The following PFKFB3 variants were observed in gnomAD, a reference collection of about 807,000 sequenced individuals.
PFKFB3 encodes the protein 6-phosphofructo-2-kinase/fructose-2,6-biphosphatase 3.
A neutral mutation model predicts 68.0 loss-of-function variants in PFKFB3; 33 were observed. The ratio of observed to expected loss-of-function variants is 0.49; its 90% CI spans 0.37 to 0.65. The LOEUF is 0.65. Among genes scored for constraint, PFKFB3 ranks in the 30% least tolerant of loss-of-function variants. PFKFB3 has a pLI of 0.00. For missense variants in PFKFB3, 586 were observed against 712.2 expected (o/e 0.82, Z 2.02); for synonymous variants, 315 against 288.2 (o/e 1.09, Z -0.94).
At chr10:6,277,520 C>T in the PFKFB3 span, among the ~76,000 whole-genome samples, 4 of 152,138 alleles carry the variant, frequency 2.6e-5, no homozygotes, top group South Asian at 2.1e-4. Flanking sequence ...CACACCCGGC[C>T]GTGGGGGTGG....
chr10:6,204,149 T>C (rs1266619043), intron 1 of PFKFB3, among the ~76,000 whole-genome samples: 2 of 152,346 alleles, frequency 1.3e-5, no homozygotes, highest in Non-Finnish European at 2.9e-5. Context: ...CAGCGATCGC[T>C]TGGGAGAGGG....
chr10:6,271,766 C>T, the PFKFB3 span, among the ~76,000 whole-genome samples: 17 of 152,224 alleles, frequency 1.1e-4, 1 homozygote, highest in Non-Finnish European at 2.1e-4. Context: ...CGCCTTCTCC[C>T]GTGGGTGGAG....
chr10:6,267,849 G>A, the PFKFB3 span, among the ~76,000 whole-genome samples: 1 of 151,346 alleles, frequency 6.6e-6, no homozygotes, highest in African/African-American at 2.4e-5. Context: ...CAGCTACTCG[G>A]GAGGCTGAAG....
At chr10:6,299,228 G>A in the PFKFB3 span, among the ~76,000 whole-genome samples, 1 of 152,208 alleles carries the variant, frequency 6.6e-6, no homozygotes, top group African/African-American at 2.4e-5. Context: ...CAGAAATGGT[G>A]TTTGCTTTTT....
the PFKFB3 span, among the ~76,000 whole-genome samples, chr10:6,262,464 A>AG: frequency 6.9e-6 from 1 of 145,688 alleles, no homozygotes; most frequent in East Asian, 2.0e-4. Context: ...AAAAAAAAAA[A>AG]AAAAAAAAAA....
intron 1 of PFKFB3, among the ~76,000 whole-genome samples, chr10:6,182,668 C>T (rs1476561737): frequency 6.6e-6 from 1 of 152,232 alleles, no homozygotes; most frequent in Non-Finnish European, 1.5e-5. Flanking sequence ...AGGCCCTGTT[C>T]CCCTTCTAGG....
chr10:6,179,525 A>G (rs1842643328), intron 1 of PFKFB3, among the ~76,000 whole-genome samples: 1 of 152,110 alleles, frequency 6.6e-6, no homozygotes, highest in Admixed American at 6.5e-5. Flanking sequence ...TTCCCTAGCG[A>G]GCCCCCCGGG....
downstream of PFKFB3, among the ~76,000 whole-genome samples, chr10:6,257,910 C>T (rs547432939): frequency 3.6e-4 from 55 of 152,144 alleles, no homozygotes; most frequent in Non-Finnish European, 7.2e-4. Context: ...GTTGGTAATC[C>T]TTCAGCCCCT....
chr10:6,186,451 GCAGGTATACCAGTGAA>G (rs1206371057), intron 1 of PFKFB3, among the ~76,000 whole-genome samples: 5 of 152,186 alleles, frequency 3.3e-5, no homozygotes, highest in Admixed American at 3.3e-4. Flanking sequence ...TGGAGTGGTC[GCAGGTATACCAGTGAA>G]CAGTGCCCCC....
intron 10 of PFKFB3, 38 bp downstream of exon 10, chr10:6,221,783 C>A: frequency 1.5e-6 from 2 of 1,369,464 alleles, no homozygotes; most frequent in South Asian, 1.2e-5. Flanking sequence ...GTCCCCAGCA[C>A]ACATGACCAC....
At chr10:6,295,885 G>C in the PFKFB3 span, among the ~76,000 whole-genome samples, 1 of 152,306 alleles carries the variant, frequency 6.6e-6, no homozygotes, top group East Asian at 1.9e-4. Flanking sequence ...ACTCACACAA[G>C]CGTGGGCACC....
intron 1 of PFKFB3, among the ~76,000 whole-genome samples, chr10:6,190,841 C>T (rs571071160): frequency 1.2e-4 from 18 of 152,214 alleles, no homozygotes; most frequent in Admixed American, 1.3e-4. Flanking sequence ...TGCAGTGGTG[C>T]GATCTTGGCT....
chr10:6,213,648 C>A lies in PFKFB3; in HGVS notation c.102C>A (p.Ser34=), dbSNP rs567913373. The A allele has an allele frequency of 2.5e-6, 4 of 1,613,230 alleles. No homozygotes were observed. In the South Asian group the frequency reaches 4.4e-5, roughly 18 times the overall value. Reference sequence around the variant, plus strand: ...CCTGTGGGCCAAAGCTGACCAACTCCCCCACCGTCATCGTCATGGTGGGCC... The same window carrying A: ...CCTGTGGGCCAAAGCTGACCAACTCACCCACCGTCATCGTCATGGTGGGCC... ...PRSCGPKLTN[S]PTVIVMVGLP... The change falls in exon 2 of 15, where the codon TCC becomes TCA. Residue 34 remains serine, a synonymous_variant. Transcript: ENST00000379775.
At chr10:6,202,881 G>A, upstream of PFKFB3, 1 of 1,068,194 alleles carries the variant, frequency 9.4e-7, no homozygotes, top group Non-Finnish European at 1.1e-6. Context: ...TGACGTACGC[G>A]TCTGCGGCCA....
chr10:6,226,119 CT>C, intron 13 of PFKFB3, 72 bp from the exon 14 acceptor site: 1 of 1,394,608 alleles, frequency 7.2e-7, no homozygotes, highest in Non-Finnish European at 9.7e-7. Context: ...AGCAGAGAAA[CT>C]TTTTTGGGGC....
chr10:6,156,722 G>A (rs939198019), intron 1 of PFKFB3, among the ~76,000 whole-genome samples: 1 of 147,766 alleles, frequency 6.8e-6, no homozygotes, highest in Non-Finnish European at 1.5e-5. Context: ...CCCTGACCTC[G>A]TGATCCGCCC....
chr10:6,197,561 A>G (rs1229416802), intron 1 of PFKFB3: 3 of 152,216 alleles, frequency 2.0e-5, no homozygotes, highest in Non-Finnish European at 4.4e-5. Flanking sequence ...TGCTTGACCA[A>G]TAAATTAGGA....
downstream of PFKFB3, among the ~76,000 whole-genome samples, chr10:6,237,049 C>T (rs548103567): frequency 6.6e-6 from 1 of 152,340 alleles, no homozygotes; most frequent in East Asian, 1.9e-4. Flanking sequence ...TGCAGGTCTT[C>T]GAACTTGCCA....
chr10:6,230,671 G>A (rs983265949), intron 14 of PFKFB3, among the ~76,000 whole-genome samples: 1 of 151,836 alleles, frequency 6.6e-6, no homozygotes, highest in African/African-American at 2.4e-5. Context: ...GGAACACCCA[G>A]ACTTGGGGAG....
Sources: gnomAD v4.1 joint callset for allele counts (sites outside exome capture counted in the v4.1 genomes callset) on GRCh38, gnomAD v4.1.1 for gene constraint, MANE v1.5 for transcripts, NCBI Gene and HGNC (gene_info 2026-07-23, HGNC 2026-07-21) for gene names.